Variants in CAPN6 observed in about 807,000 individuals in gnomAD.
CAPN6 encodes the protein calpain-6.
In CAPN6, 16 loss-of-function variants were observed where a neutral mutation model predicts 46.0. The observed-to-expected ratio is 0.35, with a 90% CI of 0.24 to 0.53. The LOEUF (loss-of-function observed/expected upper bound fraction) is 0.53. Ranked by LOEUF, CAPN6 falls within the 20% of genes least tolerant of loss-of-function variation. The probability of loss-of-function intolerance (pLI) is 0.94; values close to 1 mark genes in which losing one functional copy is unlikely to be tolerated. For missense variants in CAPN6, 461 were observed against 498.0 expected, an observed-to-expected ratio of 0.93 and a Z score of 0.71; for synonymous variants, 206 against 172.8, an observed-to-expected ratio of 1.19 and a Z score of -1.51.
chrX:111,253,166 T>C lies in CAPN6; in HGVS notation c.348A>G (p.Lys116=). 1 of 1,210,970 alleles carries C rather than the reference T, an allele frequency of 8.3e-7. No individual in the cohort carries two copies. Among genetic ancestry groups the C allele is most frequent in the Non-Finnish European group, 1.1e-6 (1 of 894,807 alleles). Residue 116 remains lysine (K), a synonymous_variant, in exon 4 of 13, where the codon AAA becomes AAG. Coordinates refer to ENST00000324068, the MANE Select transcript of CAPN6 (RefSeq NM_014289.4). ...EQEWDPQKTE[K]YAGIFHFRFW... ...AACGAAAGTGAAATATCCCAGCGTATTTTTCTGTTTTTTGAGGGTCCCATT... is the reference window on the plus strand; with the variant it reads ...AACGAAAGTGAAATATCCCAGCGTACTTTTCTGTTTTTTGAGGGTCCCATT...
chrX:111,249,596 C>A (rs1054114139), intron 8 of CAPN6, among the ~76,000 whole-genome samples: 1 of 110,603 alleles, frequency 9.0e-6, no homozygotes, highest in Admixed American at 9.7e-5. Context: ...TTCCAAACAT[C>A]ATCTGGGGAA....
chrX:111,247,394 T>C lies in CAPN6; in HGVS notation c.1717A>G (p.Thr573Ala). ...FDTQAIFYRRTTDIPIIVQVW... is the reference protein window; with the variant it reads ...FDTQAIFYRRATDIPIIVQVW... ...TGTACTATAATAGGAATGTCAGTGG[T>C]CCTTCTGTAGAAAATGGCCTGGGTG... Residue 573 changes from threonine (T) to alanine (A), a missense_variant, in exon 12 of 13, where the codon ACC becomes GCC. Coordinates refer to ENST00000324068, the MANE Select transcript of CAPN6 (RefSeq NM_014289.4). 1 of 1,209,719 alleles carries C rather than the reference T, an allele frequency of 8.3e-7. No homozygotes were observed. Among genetic ancestry groups the C allele is most frequent in the Non-Finnish European group, 1.1e-6 (1 of 894,452 alleles).
chrX:111,266,044 T>G (rs1464749781), intron 1 of CAPN6, among the ~76,000 whole-genome samples: 1 of 109,593 alleles, frequency 9.1e-6, no homozygotes, highest in South Asian at 4.1e-4. Flanking sequence ...TGGGTCAGGG[T>G]GCCTGTGTTC....
At chrX:111,263,088 C>T (rs1362243645) in intron 2 of CAPN6, among the ~76,000 whole-genome samples, 1 of 112,303 alleles carries the variant, frequency 8.9e-6, no homozygotes, top group Non-Finnish European at 1.9e-5. Flanking sequence ...GAGGCAAGAG[C>T]ATAGTTGCTT....
At position 111,246,521 on chromosome X, in the gene CAPN6, C is replaced by T. The variant is rs943917558; in HGVS notation, c.*56G>A. 3.0e-5 allele frequency: 30 copies of T among 1,006,760 alleles called. No individual in the cohort carries two copies. In the African/African-American group the frequency reaches 3.0e-4, roughly 10 times the overall value. 83.0% of individuals were successfully genotyped at this position (1,006,760 alleles called of 1,213,427 possible). On this transcript the variant is annotated 3_prime_UTR_variant, in exon 13 of 13. Coordinates refer to ENST00000324068, the MANE Select transcript of CAPN6 (RefSeq NM_014289.4). ...TGTGAATCTTAACTAAGACCTGGCA[C>T]CTGACGGAAAATAAAAGGGTGGCAC...
rs751831763 is a variant in CAPN6, at chrX:111,256,732, C to A, written c.166-2329G>T. ...AATGGGGTAATTATTCTCTTCTTGA[C>A]CCAAGATGGATATGATTATTATATA... is the stretch of plus-strand genomic sequence containing the variant. On this transcript the variant is annotated intron_variant, in intron 2 of 12. Transcript: ENST00000324068. 2.0e-4 allele frequency among the ~76,000 whole-genome samples: 22 copies of A among 110,413 alleles called. 1 individual carries two copies. The highest frequency in any genetic ancestry group is 6.9e-4 in the African/African-American group (21 of 30,428).
rs17886061 is a variant in CAPN6 at position 111,268,343 on chromosome X, C to T, written c.-16+2028G>A. On this transcript the variant is annotated intron_variant, in intron 1 of 12. Transcript: ENST00000324068. ...ATCCAGAAACAAATCCAAAATATCA[C>T]CATTTAGTATACATAACATCTCAGT... Among the ~76,000 whole-genome samples the T allele has an allele frequency of 7.5e-3, 842 of 112,528 alleles. 3 individuals carry two copies. The highest frequency in any genetic ancestry group is 0.01 in the Non-Finnish European group (553 of 53,243).
Position 111,249,046 on chromosome X carries a change from A to G in CAPN6, c.1170T>C (p.Thr390=), listed in dbSNP as rs1453651168. ...TGACCTTGTGCCCATCCTCAGGCAC[A>G]GTGAAGATGTACTAAGGGAAAGAGA... ...TFLQNPQYIF[T]VPEDGHKVIM... Residue 390 remains threonine, a synonymous_variant, in exon 9 of 13, where the codon ACT becomes ACC. Coordinates refer to ENST00000324068, the MANE Select transcript of CAPN6 (RefSeq NM_014289.4). The G allele has an allele frequency of 8.3e-7, 1 of 1,211,468 alleles. No homozygotes were observed. The highest frequency in any genetic ancestry group is 3.0e-5 in the East Asian group (1 of 33,845).
chrX:111,268,846 T>C (rs1453213349), intron 1 of CAPN6, among the ~76,000 whole-genome samples: 1 of 112,532 alleles, frequency 8.9e-6, no homozygotes, highest in Non-Finnish European at 1.9e-5. Flanking sequence ...CAGGGTTATG[T>C]AGTTAGTGAC....
intron 8 of CAPN6, 25 bp downstream of exon 8, chrX:111,250,892 G>A: frequency 8.4e-7 from 1 of 1,190,452 alleles, no homozygotes; most frequent in Non-Finnish European, 1.1e-6. Flanking sequence ...ATAACTTTGA[G>A]GCAAATAAAG....
At position 111,251,686 on chromosome X, in the gene CAPN6, A is replaced by T; in HGVS notation, c.756T>A (p.His252Gln). ...VETDWGLLKG[H>Q]TYTMTDIRKI... The stretch of plus-strand genomic sequence containing the variant: ...TGCGAATATCAGTCATGGTATAGGT[A>T]TGGCCCTTCAGCAGACCCCAATCAG... Residue 252 changes from histidine (H) to glutamine (Q), a missense_variant, in exon 6 of 13, where the codon CAT becomes CAA. Coordinates refer to ENST00000324068, the MANE Select transcript of CAPN6 (RefSeq NM_014289.4). 1 of 1,210,884 alleles carries T rather than the reference A, an allele frequency of 8.3e-7. No individual in the cohort carries two copies. Among genetic ancestry groups the T allele is most frequent in the Middle Eastern group, 2.3e-4 (1 of 4,353 alleles).
chrX:111,246,823 G>A (rs771611775), intron 12 of CAPN6, 64 bp from the exon 13 acceptor site: 81 of 943,811 alleles, frequency 8.6e-5, no homozygotes, highest in Admixed American at 1.8e-4. Context: ...TTTGCCCAGT[G>A]ACATCCAGAT....
chrX:111,251,300 G>GAAA lies in CAPN6; in HGVS notation c.894-17_894-15dup, dbSNP rs201147886. On this transcript the variant is annotated splice_polypyrimidine_tract_variant and intron_variant, in intron 6 of 12. Transcript: ENST00000324068. The stretch of plus-strand genomic sequence containing the variant: ...CACTCTTCAGAACTGAAAGTAAATA[G>GAAA]AAAAAAAAAAAAAAGATAAATCATT... 23 of 928,513 alleles carry GAAA rather than the reference G, an allele frequency of 2.5e-5. No individual in the cohort carries two copies. The highest frequency in any genetic ancestry group is 1.3e-4 in the African/African-American group (6 of 46,037). The allele number at this position is 928,513 out of a possible 1,213,427, so 76.5% of individuals were successfully genotyped here.
At chrX:111,252,886 G>C in intron 4 of CAPN6, 122 bp downstream of exon 4, 1 of 542,728 alleles carries the variant, frequency 1.8e-6, no homozygotes, top group Non-Finnish European at 3.0e-6. Flanking sequence ...CCTTGGTTCT[G>C]ACTGACATCT....
rs2094974556 is a variant in CAPN6 at position 111,246,417 on chromosome X, T to A, written c.*160A>T. On this transcript the variant is annotated 3_prime_UTR_variant, in exon 13 of 13. Transcript: ENST00000324068. ...ATATAGGTTATGTAGCTACAGATGCTACTTGGATTGGGAGGTATGGGGAAT... is the reference window on the plus strand; with the variant it reads ...ATATAGGTTATGTAGCTACAGATGCAACTTGGATTGGGAGGTATGGGGAAT... 2 of 475,585 alleles carry A rather than the reference T, an allele frequency of 4.2e-6. No homozygotes were observed. Among genetic ancestry groups the A allele is most frequent in the Non-Finnish European group, 7.1e-6 (2 of 280,987 alleles). The allele number at this position is 475,585 out of a possible 1,213,427, so 39.2% of individuals were successfully genotyped here. A position where few individuals can be genotyped will look rare whatever the true frequency, so the allele number is the denominator to read the frequency against.
At chrX:111,251,491 G>A (rs1306114803) in intron 6 of CAPN6, 58 bp downstream of exon 6, 2 of 1,019,570 alleles carry the variant, frequency 2.0e-6, no homozygotes, top group African/African-American at 3.8e-5. Context: ...TGGAGGGATG[G>A]GTCTGGGAGA....
At chrX:111,256,345 G>A in intron 2 of CAPN6, among the ~76,000 whole-genome samples, 1 of 109,804 alleles carries the variant, frequency 9.1e-6, no homozygotes, top group Non-Finnish European at 1.9e-5. Context: ...GTTGCAGTGA[G>A]CCGAGATCAC....
intron 4 of CAPN6, 27 bp downstream of exon 4, chrX:111,252,981 T>C (rs777505523): frequency 2.6e-6 from 3 of 1,142,051 alleles, no homozygotes; most frequent in Admixed American, 4.4e-5. Flanking sequence ...TGTACCCTGA[T>C]AGCAGACTAG....
chrX:111,254,932 C>T (rs1422171400), intron 2 of CAPN6, among the ~76,000 whole-genome samples: 1 of 111,550 alleles, frequency 9.0e-6, no homozygotes, highest in Non-Finnish European at 1.9e-5. Flanking sequence ...AAAGCAAAAG[C>T]AACAGTGGTC....
Sources: allele counts gnomAD v4.1 joint callset (sites outside exome capture counted in the v4.1 genomes callset), GRCh38; gene constraint gnomAD v4.1.1; transcripts MANE v1.5; gene names NCBI Gene and HGNC (gene_info 2026-07-23, HGNC 2026-07-21).